Variants in NCAPD2 observed in about 807,000 individuals in gnomAD.
NCAPD2 encodes condensin complex subunit 1.
A neutral mutation model predicts 164.5 loss-of-function variants in NCAPD2; 100 were observed. The observed-to-expected ratio is 0.61, with a 90% confidence interval of 0.52 to 0.72. NCAPD2 has a LOEUF of 0.72. Ranked by LOEUF, NCAPD2 falls within the 30% of genes least tolerant of loss-of-function variation. The pLI, the probability that NCAPD2 is intolerant of heterozygous loss-of-function variation, is 0.00. For missense variants in NCAPD2, 1,560 were observed against 1,749.2 expected, an observed-to-expected ratio of 0.89 and a Z score of 1.93; for synonymous variants, 585 against 642.6, an observed-to-expected ratio of 0.91 and a Z score of 1.36.
intron 22 of NCAPD2, 28 bp from the exon 23 acceptor site, chr12:6,527,749 C>A: frequency 6.3e-7 from 1 of 1,586,220 alleles, no homozygotes; most frequent in South Asian, 1.1e-5. Context: ...CTCTGCTTAT[C>A]CATGATCCCC....
In NCAPD2 at chr12:6,531,811, A is replaced by T. The variant is rs984751108; in HGVS notation, c.*399A>T. ...AATAGCGAACCTCCATCTCAAATTA[A>T]AAAAAAAATGCCTACACGCTCTTTA... On this transcript the variant is annotated 3_prime_UTR_variant, in exon 32 of 32. Coordinates refer to ENST00000315579, the MANE Select transcript of NCAPD2 (RefSeq NM_014865.4). The surrounding 1 kb of genome is among the most constrained non-coding windows in gnomAD (Gnocchi z 4.1). 20 of 230,784 alleles carry T rather than the reference A, an allele frequency of 8.7e-5. No homozygotes were observed. Among genetic ancestry groups the T allele is most frequent in the South Asian group, 2.4e-4 (5 of 20,460 alleles). 14.3% of individuals were successfully genotyped at this position (230,784 alleles called of 1,614,324 possible). A position where few individuals can be genotyped will look rare whatever the true frequency, so the allele number is the denominator to read the frequency against.
At chr12:6,527,691 C>T in intron 22 of NCAPD2, 86 bp from the exon 23 acceptor site, 3 of 1,249,720 alleles carry the variant, frequency 2.4e-6, no homozygotes, top group Non-Finnish European at 3.4e-6. Context: ...TGCCCTTCCT[C>T]ACTTTGTTCA....
intron 17 of NCAPD2, among the ~76,000 whole-genome samples, chr12:6,523,798 A>G (rs1304378409): frequency 6.6e-6 from 1 of 152,260 alleles, no homozygotes; most frequent in Non-Finnish European, 1.5e-5. Flanking sequence ...AAAGGAACCA[A>G]CAGTCTAGTT....
At position 6,517,399 on chromosome 12, in the gene NCAPD2, C is replaced by T. The variant is rs549180267; in HGVS notation, c.1220C>T (p.Ala407Val). The T allele has an allele frequency of 3.1e-6, 5 of 1,614,228 alleles. No individual in the cohort carries two copies. Among genetic ancestry groups the T allele is most frequent in the Admixed American group, 1.7e-5 (1 of 60,006 alleles). The change falls in exon 11 of 32, where the codon GCT (alanine) becomes GTT (valine). Residue 407 changes from alanine (A) to valine (V), a missense_variant. Physicochemically the swap from Ala to Val is moderately conservative, Grantham distance 64. Transcript: ENST00000315579. ...LPLTRFQAVV[A>V]LAVGRLADKS... is the part of the protein sequence containing the mutation. Reference sequence around the variant, plus strand: ...CTGACACGTTTCCAGGCAGTGGTGGCTTTAGCTGTGGGACGTCTGGCAGAC... The same window carrying T: ...CTGACACGTTTCCAGGCAGTGGTGGTTTTAGCTGTGGGACGTCTGGCAGAC...
chr12:6,514,532 G>T lies in NCAPD2; in HGVS notation c.784G>T (p.Val262Leu). Residue 262 changes from valine to leucine, a missense_variant, in exon 8 of 32, where the codon GTG becomes TTG. Physicochemically the swap from Val to Leu is conservative, Grantham distance 32. Coordinates refer to ENST00000315579, the MANE Select transcript of NCAPD2 (RefSeq NM_014865.4). ...EHLAPVLVAA[V>L]SLWATDYGMK... ...CCTGGCACCTGTACTGGTTGCAGCC[G>T]TGAGTCTATGGGCAACTGACTATGG... 1 of 1,614,208 alleles carries T rather than the reference G, an allele frequency of 6.2e-7. No homozygotes were observed. Among genetic ancestry groups the T allele is most frequent in the Non-Finnish European group, 8.5e-7 (1 of 1,180,052 alleles).
intron 6 of NCAPD2, among the ~76,000 whole-genome samples, chr12:6,512,047 T>C (rs868346138): frequency 5.9e-5 from 9 of 151,492 alleles, no homozygotes; most frequent in African/African-American, 2.2e-4. Flanking sequence ...TTTGGGAGGC[T>C]GAGGCAGGTG....
In NCAPD2 at chr12:6,517,767, ACT is replaced by A. The variant is rs1268201199; in HGVS notation, c.1409-8_1409-7del. ...ACTCTAGTGAAAGAGACTAAGTGAC[ACT>A]CTCATTTAGCTGCAGTGCTGGACCC... is the stretch of plus-strand genomic sequence containing the variant. On this transcript the variant is annotated splice_polypyrimidine_tract_variant and intron_variant, in intron 12 of 31. Transcript: ENST00000315579. 3.7e-6 allele frequency: 6 copies of A among 1,613,998 alleles called. No individual in the cohort carries two copies. Among genetic ancestry groups the A allele is most frequent in the South Asian group, 1.1e-5 (1 of 91,072 alleles).
Position 6,516,894 on chromosome 12 carries a change from G to C in NCAPD2, c.1054G>C (p.Asp352His), listed in dbSNP as rs994613441. 1 of 1,614,120 alleles carries C rather than the reference G, an allele frequency of 6.2e-7. No individual in the cohort carries two copies. Among genetic ancestry groups the C allele is most frequent in the Non-Finnish European group, 8.5e-7 (1 of 1,180,020 alleles). The change falls in exon 10 of 32, where the codon GAT becomes CAT. Residue 352 changes from aspartate (D) to histidine (H), a missense_variant. Asp to His is a moderately conservative substitution (Grantham distance 81, BLOSUM62 -1). Coordinates refer to ENST00000315579, the MANE Select transcript of NCAPD2 (RefSeq NM_014865.4). Reference sequence around the variant, plus strand: ...GATGGTGCTGCAGGTTCTCAGTGGCGATCAACTGGAAGCAGCAGCCCGAGA... The same window carrying C: ...GATGGTGCTGCAGGTTCTCAGTGGCCATCAACTGGAAGCAGCAGCCCGAGA... ...AEMVLQVLSG[D>H]QLEAAARDTR...
chr12:6,506,229 G>C (rs954116059), intron 2 of NCAPD2, among the ~76,000 whole-genome samples: 1 of 152,072 alleles, frequency 6.6e-6, no homozygotes, highest in Non-Finnish European at 1.5e-5. Context: ...AAGTGGTGGG[G>C]TTACAAGTGT....
At position 6,521,981 on chromosome 12, in the gene NCAPD2, A is replaced by C; in HGVS notation, c.1898A>C (p.Lys633Thr). The C allele has an allele frequency of 6.2e-7, 1 of 1,614,232 alleles. No individual in the cohort carries two copies. Among genetic ancestry groups the C allele is most frequent in the Non-Finnish European group, 8.5e-7 (1 of 1,180,038 alleles). The change falls in exon 15 of 32, where the codon AAG (lysine) becomes ACG (threonine). Residue 633 changes from lysine to threonine, a missense_variant. By Grantham distance (78) the Lys-to-Thr change is moderately conservative. Transcript: ENST00000315579. ...YLQDAYSFSR[K>T]ITEAIGIISK... ...CAGGATGCCTACAGCTTCTCCCGGA[A>C]GATTACAGAGGCCATTGGCATCATC... is the stretch of plus-strand genomic sequence containing the variant.
intron 2 of NCAPD2, among the ~76,000 whole-genome samples, chr12:6,498,527 G>C (rs1417824628): frequency 6.6e-6 from 1 of 152,074 alleles, no homozygotes; most frequent in East Asian, 1.9e-4. Flanking sequence ...ACCAACCCCT[G>C]TATATACTAT....
At chr12:6,506,665 C>T (rs995499074) in intron 2 of NCAPD2, among the ~76,000 whole-genome samples, 2 of 151,224 alleles carry the variant, frequency 1.3e-5, no homozygotes, top group Admixed American at 6.6e-5. Flanking sequence ...AAATTTTATG[C>T]GTTCATGACA....
rs1483039302 is a variant in NCAPD2 at position 6,529,833 on chromosome 12, CG to C, written c.3713del (p.Arg1238GlnfsTer30). ...TGTGTCACAGCTGCCCCTCACAGAG[CG>C]AGGCCTCCGTAAGATGCTTGACAAT... ...YCVSQLPLTERGLRKMLDNFD... is the reference protein window; with the variant it reads ...YCVSQLPLTEXGLRKMLDNFD... On this transcript the variant is annotated frameshift_variant, in exon 29 of 32. Transcript: ENST00000315579. LOFTEE classifies it high-confidence loss of function. 3 of 1,614,090 alleles carry C rather than the reference CG, an allele frequency of 1.9e-6. No homozygotes were observed. Among genetic ancestry groups the C allele is most frequent in the Non-Finnish European group, 1.7e-6 (2 of 1,180,018 alleles).
At position 6,527,835 on chromosome 12, in the gene NCAPD2, A is replaced by G; in HGVS notation, c.2966A>G (p.Asp989Gly). ...CTGGGGCTGGTTGGGGCAACAGCAG[A>G]TGACACAGAGGCAGAACTAATCCGT... ...EELGLVGATADDTEAELIRGI... is the reference protein window; with the variant it reads ...EELGLVGATAGDTEAELIRGI... Residue 989 changes from aspartate to glycine, a missense_variant, in exon 23 of 32, where the codon GAT (aspartate) becomes GGT (glycine). Transcript: ENST00000315579. 6.2e-7 allele frequency: 1 copy of G among 1,613,982 alleles called. No homozygotes were observed. Among genetic ancestry groups the G allele is most frequent in the Non-Finnish European group, 8.5e-7 (1 of 1,179,852 alleles).
chr12:6,525,976 CAT>C (rs1946313393), intron 18 of NCAPD2, 90 bp from the exon 19 acceptor site: 3 of 1,503,350 alleles, frequency 2.0e-6, no homozygotes, highest in Non-Finnish European at 2.7e-6. Context: ...CTAGACACCA[CAT>C]GAGGTGCTGG....
At chr12:6,511,359 C>G in intron 6 of NCAPD2, 107 bp downstream of exon 6, 5 of 1,323,530 alleles carry the variant, frequency 3.8e-6, no homozygotes, top group Non-Finnish European at 5.2e-6. Context: ...GGGGACAGAG[C>G]TTCACTCTTG....
At chr12:6,530,445 C>G (rs181513380) in intron 29 of NCAPD2, among the ~76,000 whole-genome samples, 2 of 152,224 alleles carry the variant, frequency 1.3e-5, no homozygotes, top group Admixed American at 6.5e-5. Flanking sequence ...AAGAGTTTCA[C>G]TGCCTTACAA....
rs768527337 is a variant in NCAPD2, at chr12:6,514,258, T to G, written c.588-7T>G. 1.2e-6 allele frequency: 2 copies of G among 1,614,140 alleles called. No homozygotes were observed. Among genetic ancestry groups the G allele is most frequent in the Non-Finnish European group, 1.7e-6 (2 of 1,180,022 alleles). ...GCTTTCATCATCTCAAACTCTTCCT[T>G]TCTCAGTTTGGTTACTGGCTGTTGC... is the stretch of plus-strand genomic sequence containing the variant. On this transcript the variant is annotated splice_polypyrimidine_tract_variant and splice_region_variant and intron_variant, in intron 6 of 31. Coordinates refer to ENST00000315579, the MANE Select transcript of NCAPD2 (RefSeq NM_014865.4).
At position 6,528,156 on chromosome 12, in the gene NCAPD2, C is replaced by T; in HGVS notation, c.3144-17C>T. 6.2e-7 allele frequency: 1 copy of T among 1,614,216 alleles called. No individual in the cohort carries two copies. The highest frequency in any genetic ancestry group is 1.1e-5 in the South Asian group (1 of 91,088). ...GGGATGAAATGGCTTCCCTAATGAT[C>T]CTCTTCTTGCTCTTAGTGCCACTTT... On this transcript the variant is annotated splice_polypyrimidine_tract_variant and intron_variant, in intron 24 of 31. Coordinates refer to ENST00000315579, the MANE Select transcript of NCAPD2 (RefSeq NM_014865.4). This position sits in a 1 kb window ranked among gnomAD's most constrained non-coding sequence, Gnocchi z 5.1.
Sources: gnomAD v4.1 joint callset for allele counts (sites outside exome capture counted in the v4.1 genomes callset) on GRCh38, gnomAD v4.1.1 for gene constraint, Gnocchi (gnomAD v3.1) non-coding constraint, MANE v1.5 for transcripts, NCBI Gene and HGNC (gene_info 2026-07-23, HGNC 2026-07-21) for gene names.